PI4KA: variants seen among roughly 807,000 people sequenced by gnomAD.
PI4KA encodes the protein phosphatidylinositol 4-kinase alpha.
Under a neutral mutation model 271.4 loss-of-function variants are expected in PI4KA, and 122 were observed. The ratio of observed to expected loss-of-function variants is 0.45; its 90% CI spans 0.39 to 0.52. The LOEUF is 0.52. Among genes scored for constraint, PI4KA ranks in the 20% least tolerant of loss-of-function variants. PI4KA has a pLI of 0.00. For missense variants in PI4KA, 1,969 were observed against 2,769.1 expected, an observed-to-expected ratio of 0.71 and a Z score of 6.48; for synonymous variants, 1,041 against 1,078.8, an observed-to-expected ratio of 0.96 and a Z score of 0.69.
intron 19 of PI4KA, chr22:20,780,339 G>C (rs1038059226): frequency 7.4e-7 from 1 of 1,348,136 alleles, no homozygotes; most frequent in African/African-American, 1.4e-5. Context: ...CTGGAACGGG[G>C]ACAGGGAAGG....
intron 3 of PI4KA, among the ~76,000 whole-genome samples, chr22:20,833,651 GTTTTTGTTTTTTTTTTTT>G (rs1195486056): frequency 1.0e-5 from 1 of 95,598 alleles, no homozygotes; most frequent in Non-Finnish European, 2.0e-5. Context: ...GTTTTGGTTT[GTTTTTGTTTTTTTTTTTT>G]TTTTTTTTTG....
At chr22:20,844,910 T>C (rs1375025807) in intron 1 of PI4KA, among the ~76,000 whole-genome samples, 1 of 152,010 alleles carries the variant, frequency 6.6e-6, no homozygotes, top group Non-Finnish European at 1.5e-5. Context: ...AAAAATAACA[T>C]CAAATGGCTT....
At chr22:20,782,761 C>T (rs1396827736) in intron 19 of PI4KA, among the ~76,000 whole-genome samples, 3 of 152,076 alleles carry the variant, frequency 2.0e-5, no homozygotes, top group Admixed American at 6.6e-5. Context: ...TGCTAAACAC[C>T]CTACCATGCA....
intron 32 of PI4KA, among the ~76,000 whole-genome samples, chr22:20,741,342 C>T (rs1929427911): frequency 6.6e-6 from 1 of 152,212 alleles, no homozygotes; most frequent in East Asian, 1.9e-4. Flanking sequence ...GCCCAGGAAT[C>T]AGAGCCCTGC....
intron 9 of PI4KA, among the ~76,000 whole-genome samples, chr22:20,808,989 GGA>G: frequency 6.6e-6 from 1 of 152,302 alleles, no homozygotes; most frequent in East Asian, 1.9e-4. Flanking sequence ...AGAATCATGT[GGA>G]GAGTGTGAGA....
chr22:20,781,503 A>C (rs1933797091), intron 19 of PI4KA, among the ~76,000 whole-genome samples: 1 of 152,198 alleles, frequency 6.6e-6, no homozygotes, highest in Non-Finnish European at 1.5e-5. Context: ...CTGTTCAGGG[A>C]AAGGGGGCCA....
At chr22:20,727,646 A>T in intron 40 of PI4KA, 128 bp downstream of exon 40, 1 of 745,340 alleles carries the variant, frequency 1.3e-6, no homozygotes, top group South Asian at 1.8e-5. Flanking sequence ...GGAAATCAGA[A>T]AAACCATGAA....
chr22:20,783,812 A>C (rs1179727084), intron 19 of PI4KA, among the ~76,000 whole-genome samples: 2 of 152,114 alleles, frequency 1.3e-5, no homozygotes, highest in Admixed American at 6.5e-5. Flanking sequence ...TAGAAATGCA[A>C]ATTTCTGCCC....
chr22:20,764,420 C>T (rs180826034), intron 22 of PI4KA, among the ~76,000 whole-genome samples: 54 of 152,298 alleles, frequency 3.5e-4, no homozygotes, highest in Admixed American at 7.8e-4. Context: ...GCCGGCCCCA[C>T]CCCATGTCGC....
chr22:20,798,654 G>A lies in PI4KA; in HGVS notation c.2038C>T (p.Gln680Ter), dbSNP rs1212427493. Residue 680 changes from glutamine (Q) to a stop codon, truncating the protein, a stop_gained, in exon 17 of 55, where the codon CAG becomes TAG. Transcript: ENST00000255882. LOFTEE classifies it high-confidence loss of function. ...GAGCTGGCCTTCACACTGATCTGCT[G>A]GAAGAGGTTCCACACTTCCTGATAG... ...YIYQEVWNLF[Q>*]QISVKASSVV... 3 of 1,613,692 alleles carry A rather than the reference G, an allele frequency of 1.9e-6. No individual in the cohort carries two copies. The highest frequency in any genetic ancestry group is 1.3e-5 in the African/African-American group (1 of 75,012).
intron 41 of PI4KA, 80 bp downstream of exon 41, chr22:20,727,150 G>T: frequency 7.4e-7 from 1 of 1,345,698 alleles, no homozygotes; most frequent in Non-Finnish European, 1.0e-6. Flanking sequence ...ATGGCCAATG[G>T]TGGGGCCTGT....
At chr22:20,769,316 C>T (rs936985226) in intron 19 of PI4KA, among the ~76,000 whole-genome samples, 1 of 152,140 alleles carries the variant, frequency 6.6e-6, no homozygotes, top group East Asian at 1.9e-4. Flanking sequence ...AGCCTGCTGG[C>T]CACTGTCTTG....
At chr22:20,856,478 A>C (rs1927614013) in intron 1 of PI4KA, among the ~76,000 whole-genome samples, 1 of 145,700 alleles carries the variant, frequency 6.9e-6, no homozygotes, top group Non-Finnish European at 1.5e-5. Flanking sequence ...CTTGTCACCC[A>C]GGCTGAAGTG....
chr22:20,751,194 G>A, intron 27 of PI4KA, 99 bp downstream of exon 27: 1 of 935,520 alleles, frequency 1.1e-6, no homozygotes, highest in East Asian at 2.6e-5. Flanking sequence ...TCAAATTGCT[G>A]GGGACTGGGT....
At chr22:20,787,446 C>A (rs178040) in intron 19 of PI4KA, 12,091 of 347,238 alleles carry the variant, frequency 0.035, 308 homozygotes, top group Middle Eastern at 0.057. Context: ...CATCTGAATA[C>A]CAAGCACAGA....
chr22:20,727,942 G>A, intron 39 of PI4KA, 78 bp from the exon 40 acceptor site: 2 of 1,042,708 alleles, frequency 1.9e-6, no homozygotes, highest in South Asian at 1.4e-5. Context: ...AGTGAGGGGA[G>A]CCAGGGGGAA....
rs544170682 is a variant in PI4KA, at chr22:20,754,817, G to A, written c.2792-1637C>T. 7.2e-5 allele frequency among the ~76,000 whole-genome samples: 11 copies of A among 152,246 alleles called. No homozygotes were observed. The South Asian group carries it at 1.7e-3, about 23-fold the overall frequency. On this transcript the variant is annotated intron_variant, in intron 23 of 54. Transcript: ENST00000255882. Reference sequence around the variant, plus strand: ...ACAAAAATTAGCCAGGCATGGTAGCGTGCCACTGTAATCCCAGCTACTTGG... The same window carrying A: ...ACAAAAATTAGCCAGGCATGGTAGCATGCCACTGTAATCCCAGCTACTTGG...
At position 20,712,785 on chromosome 22, in the gene PI4KA, G is replaced by A. The variant is rs775360988; in HGVS notation, c.5584C>T (p.Leu1862=). ...GDDCRQDMLA[L]QIIDLFKNIF... ...TTCTTGAAGAGGTCGATGATCTGCA[G>A]GGCCAGCATGTCCTGGGAAGCCGGG... Residue 1862 remains leucine (L), a synonymous_variant, in exon 49 of 55, where the codon CTG becomes TTG. Transcript: ENST00000255882. 2 of 1,550,192 alleles carry A rather than the reference G, an allele frequency of 1.3e-6. No individual in the cohort carries two copies. The highest frequency in any genetic ancestry group is 1.2e-5 in the South Asian group (1 of 83,980).
chr22:20,858,292 T>C (rs906541422), intron 1 of PI4KA, among the ~76,000 whole-genome samples: 2 of 152,092 alleles, frequency 1.3e-5, no homozygotes, highest in African/African-American at 4.8e-5. Context: ...AGATGCTCCC[T>C]GGGCCAGCAG....
Sources: allele counts gnomAD v4.1 joint callset (sites outside exome capture counted in the v4.1 genomes callset), GRCh38; gene constraint gnomAD v4.1.1; transcripts MANE v1.5; gene names NCBI Gene and HGNC (gene_info 2026-07-23, HGNC 2026-07-21).